The following DPP10 variants were observed in gnomAD, a reference collection of about 807,000 sequenced individuals.
DPP10 encodes the protein dipeptidyl peptidase like 10.
A neutral mutation model predicts 120.9 loss-of-function variants in DPP10; 33 were observed. That is an observed-to-expected ratio of 0.27 (90% CI 0.21 to 0.37). The LOEUF (loss-of-function observed/expected upper bound fraction) is 0.37, where lower values mean the gene tolerates loss of function less well. Ranked by LOEUF, DPP10 falls within the 10% of genes least tolerant of loss-of-function variation. The pLI, the probability that DPP10 is intolerant of heterozygous loss-of-function variation, is 1.00. For synonymous variants in DPP10, 337 were observed against 326.1 expected, an observed-to-expected ratio of 1.03 and a Z score of -0.36; for missense variants, 816 against 942.8, an observed-to-expected ratio of 0.87 and a Z score of 1.76.
At chr2:115,219,945 A>C (rs2057049244) in intron 1 of DPP10, among the ~76,000 whole-genome samples, 1 of 152,216 alleles carries the variant, frequency 6.6e-6, no homozygotes, top group South Asian at 2.1e-4. Context: ...GAAATGTATG[A>C]GCCAGTTATT....
chr2:115,107,074 CAAA>C (rs1356741088), intron 1 of DPP10, among the ~76,000 whole-genome samples: 6 of 81,272 alleles, frequency 7.4e-5, no homozygotes, highest in Admixed American at 1.3e-4. Flanking sequence ...GGCTCTGTCT[CAAA>C]AAAAAAAAAA....
At chr2:115,685,029 A>C (rs1412745048) in intron 5 of DPP10, among the ~76,000 whole-genome samples, 1 of 151,976 alleles carries the variant, frequency 6.6e-6, no homozygotes, top group East Asian at 1.9e-4. Context: ...AGTGGATTGT[A>C]ATCAGGCAGA....
intron 1 of DPP10, among the ~76,000 whole-genome samples, chr2:114,791,239 A>G (rs1049104385): frequency 6.6e-6 from 1 of 152,218 alleles, no homozygotes; most frequent in Non-Finnish European, 1.5e-5. Flanking sequence ...CACCTGAGAA[A>G]CAGTGGAGAA....
intron 1 of DPP10, among the ~76,000 whole-genome samples, chr2:114,580,972 G>C (rs934517940): frequency 1.3e-5 from 2 of 151,770 alleles, no homozygotes; most frequent in African/African-American, 4.8e-5. Flanking sequence ...AATTGTGGAC[G>C]ACTTAAAAAG....
At chr2:115,591,486 C>A (rs2082658875) in intron 5 of DPP10, among the ~76,000 whole-genome samples, 1 of 152,088 alleles carries the variant, frequency 6.6e-6, no homozygotes, top group African/African-American at 2.4e-5. Context: ...ATTATTTCTG[C>A]AGACTCTGTT....
chr2:115,289,713 A>G (rs1306196724), intron 1 of DPP10, among the ~76,000 whole-genome samples: 1 of 152,016 alleles, frequency 6.6e-6, no homozygotes, highest in Non-Finnish European at 1.5e-5. Flanking sequence ...CAACCAATTA[A>G]TTTTCAACAA....
intron 1 of DPP10, among the ~76,000 whole-genome samples, chr2:114,584,707 G>C (rs1690810252): frequency 1.3e-5 from 2 of 151,930 alleles, no homozygotes; most frequent in African/African-American, 4.8e-5. Flanking sequence ...ACACTAGGCA[G>C]CCAATGACTC....
chr2:115,122,097 C>T (rs1030752257), intron 1 of DPP10, among the ~76,000 whole-genome samples: 1 of 152,202 alleles, frequency 6.6e-6, no homozygotes, highest in Non-Finnish European at 1.5e-5. Flanking sequence ...TTTTCCTGCA[C>T]TTATGGCAGA....
intron 1 of DPP10, among the ~76,000 whole-genome samples, chr2:114,556,960 A>G (rs1220761489): frequency 6.6e-6 from 1 of 151,812 alleles, no homozygotes; most frequent in Admixed American, 6.6e-5. Flanking sequence ...GTGAGGAGAA[A>G]AAATAGAAAT....
intron 1 of DPP10, among the ~76,000 whole-genome samples, chr2:114,785,135 C>T (rs1043384610): frequency 1.3e-5 from 2 of 152,194 alleles, no homozygotes; most frequent in Admixed American, 1.3e-4. Flanking sequence ...TTTACCCACA[C>T]CTCATCCCTC....
chr2:114,750,962 G>C (rs543869046), intron 1 of DPP10, among the ~76,000 whole-genome samples: 1 of 152,288 alleles, frequency 6.6e-6, no homozygotes, highest in Admixed American at 6.5e-5. Context: ...CTATGATCTG[G>C]AAGTTGAATG....
intron 1 of DPP10, among the ~76,000 whole-genome samples, chr2:114,754,375 C>T (rs781478582): frequency 2.6e-5 from 4 of 152,164 alleles, no homozygotes; most frequent in South Asian, 2.1e-4. Context: ...CCATTCAGTT[C>T]GCAGGCATTG....
At chr2:115,190,102 C>G (rs1208618204) in intron 1 of DPP10, among the ~76,000 whole-genome samples, 1 of 152,170 alleles carries the variant, frequency 6.6e-6, no homozygotes, top group Non-Finnish European at 1.5e-5. Flanking sequence ...CTGGTAGCCC[C>G]TAATTGCTCA....
intron 1 of DPP10, among the ~76,000 whole-genome samples, chr2:114,960,366 G>GTATATATATATATATATATATATATA (rs149462158): frequency 1.5e-4 from 21 of 143,806 alleles, no homozygotes; most frequent in African/African-American, 5.1e-4. Context: ...GTGTATGTGC[G>GTATATATATATATATATATATATATA]TATATATATA....
intron 1 of DPP10, among the ~76,000 whole-genome samples, chr2:114,988,519 T>G (rs958707802): frequency 6.6e-6 from 1 of 152,236 alleles, no homozygotes; most frequent in Non-Finnish European, 1.5e-5. Flanking sequence ...TTGATCCATC[T>G]TCTAAGCAAA....
chr2:115,448,925 G>A (rs1234321853), intron 3 of DPP10, among the ~76,000 whole-genome samples: 2 of 152,070 alleles, frequency 1.3e-5, no homozygotes, highest in Non-Finnish European at 2.9e-5. Flanking sequence ...CATGTGGTCA[G>A]TGAGTTCATT....
chr2:115,588,995 A>T lies in DPP10; in HGVS notation c.441+63023A>T, dbSNP rs78470204. ...TAAATTATTACTTGTAAAACGAAAA[A>T]TTGGAAAAGAGCCTTAGCAGTTGAA... is the stretch of plus-strand genomic sequence containing the variant. On this transcript the variant is annotated intron_variant, in intron 5 of 25. Coordinates refer to ENST00000410059, the MANE Select transcript of DPP10 (RefSeq NM_020868.6). Among the ~76,000 whole-genome samples, 874 of 152,326 alleles carry T rather than the reference A, an allele frequency of 5.7e-3. 11 individuals are homozygous for T. Among genetic ancestry groups the T allele is most frequent in the African/African-American group, 0.02 (832 of 41,552 alleles).
intron 1 of DPP10, among the ~76,000 whole-genome samples, chr2:115,286,526 A>AT (rs10675008): frequency 0.14 from 8,338 of 60,230 alleles, 993 homozygotes; most frequent in East Asian, 0.23. Flanking sequence ...ATATATATAT[A>AT]ATATATATAT....
chr2:115,351,077 T>A (rs1422370502), intron 3 of DPP10, among the ~76,000 whole-genome samples: 1 of 152,142 alleles, frequency 6.6e-6, no homozygotes. Flanking sequence ...ATTTGCATGT[T>A]CTTTGCAGCA....
Sources: gnomAD v4.1 joint callset for allele counts (sites outside exome capture counted in the v4.1 genomes callset) on GRCh38, gnomAD v4.1.1 for gene constraint, MANE v1.5 for transcripts, NCBI Gene and HGNC (gene_info 2026-07-23, HGNC 2026-07-21) for gene names.